UNC13B: variants seen among roughly 807,000 people sequenced by gnomAD.
The protein encoded by UNC13B is unc-13 homolog B, also known as protein unc-13 homolog B.
UNC13B carries 144 observed loss-of-function variants against 211.0 expected under a neutral mutation model. The observed-to-expected ratio is 0.68, with a 90% confidence interval of 0.60 to 0.78. The LOEUF (loss-of-function observed/expected upper bound fraction) is 0.78. UNC13B is among the 30% of genes least tolerant of loss of function. UNC13B has a pLI of 0.00. For synonymous variants in UNC13B, 709 were observed against 725.8 expected (o/e 0.98, Z 0.37); for missense variants, 1,777 against 2,002.0 (o/e 0.89, Z 2.14).
intron 11 of UNC13B, among the ~76,000 whole-genome samples, chr9:35,322,154 C>A (rs1308585180): frequency 6.6e-6 from 1 of 152,192 alleles, no homozygotes; most frequent in Non-Finnish European, 1.5e-5. Context: ...ATCTCTGTGT[C>A]TTCTGGGCTG....
rs1484139490 is a variant in UNC13B at position 35,398,245 on chromosome 9, G to T, written c.11789G>T (p.Arg3930Met). 6.2e-7 allele frequency: 1 copy of T among 1,613,882 alleles called. No homozygotes were observed. Among genetic ancestry groups the T allele is most frequent in the Non-Finnish European group, 8.5e-7 (1 of 1,179,960 alleles). The change falls in exon 31 of 40, where the codon AGG becomes ATG. Residue 3930 changes from arginine (R) to methionine (M), a missense_variant. Physicochemically the swap from Arg to Met is moderately conservative, Grantham distance 91. Transcript: ENST00000635942. Reference sequence around the variant, plus strand: ...CTGATGAACAACGTGCAGCAACTGAGGGTCCAGCTGGAGAAAATGTTTGAG... The same window carrying T: ...CTGATGAACAACGTGCAGCAACTGATGGTCCAGCTGGAGAAAATGTTTGAG... The part of the protein sequence containing the change: ...CILMNNVQQL[R>M]VQLEKMFEAM...
chr9:35,229,040 G>A (rs1052162493), intron 2 of UNC13B, among the ~76,000 whole-genome samples: 11 of 151,750 alleles, frequency 7.2e-5, no homozygotes, highest in Admixed American at 5.9e-4. Context: ...TATATATACC[G>A]AGACCAAAAG....
chr9:35,236,698 T>G, intron 4 of UNC13B, 112 bp downstream of exon 4: 1 of 995,734 alleles, frequency 1.0e-6, no homozygotes, highest in Non-Finnish European at 1.5e-6. Flanking sequence ...TTCTTCCCCC[T>G]TTCTAATTAG....
intron 9 of UNC13B, among the ~76,000 whole-genome samples, chr9:35,309,668 G>A (rs953715509): frequency 2.3e-4 from 35 of 152,290 alleles, no homozygotes; most frequent in African/African-American, 8.2e-4. Context: ...AGAAAAGATT[G>A]GCTTGCTGGT....
At chr9:35,265,486 C>CTATG (rs1827515378) in intron 7 of UNC13B, among the ~76,000 whole-genome samples, 1 of 152,150 alleles carries the variant, frequency 6.6e-6, no homozygotes, top group Non-Finnish European at 1.5e-5. Flanking sequence ...GCTCCCCAGC[C>CTATG]TATGGTATTT....
Position 35,162,184 on chromosome 9 carries a change from G to A in UNC13B, c.-100G>A. 1.3e-6 allele frequency: 2 copies of A among 1,517,632 alleles called. No homozygotes were observed. Among genetic ancestry groups the A allele is most frequent in the Middle Eastern group, 1.9e-4 (1 of 5,374 alleles). The allele number at this position is 1,517,632 out of a possible 1,614,324, so 94.0% of individuals were successfully genotyped here. A position where few individuals can be genotyped will look rare whatever the true frequency, so the allele number is the denominator to read the frequency against. ...GGGACCATGAGGAGCTGCCAGACCC[G>A]TGGGGCCGGTAACGAGAGCAGTCGC... On this transcript the variant is annotated 5_prime_UTR_variant, in exon 1 of 40. It adds an upstream start codon to the 5' untranslated region. Transcript: ENST00000635942.
At chr9:35,254,727 C>T (rs1826717240) in intron 6 of UNC13B, among the ~76,000 whole-genome samples, 1 of 150,578 alleles carries the variant, frequency 6.6e-6, no homozygotes, top group Non-Finnish European at 1.5e-5. Flanking sequence ...AAGTATTGAT[C>T]TTACTCATCA....
chr9:35,388,419 CAAAAT>C (rs1465027806), intron 24 of UNC13B, among the ~76,000 whole-genome samples: 2 of 152,100 alleles, frequency 1.3e-5, no homozygotes, highest in African/African-American at 2.4e-5. Context: ...AAAAAAAAGA[CAAAAT>C]AAAAATAAGA....
intron 7 of UNC13B, among the ~76,000 whole-genome samples, chr9:35,275,966 G>A (rs944088792): frequency 2.6e-5 from 4 of 152,054 alleles, no homozygotes; most frequent in Non-Finnish European, 4.4e-5. Context: ...AATACTTCTT[G>A]ATCAGTGTCT....
chr9:35,378,581 C>T lies in UNC13B; in HGVS notation c.10205+145C>T, dbSNP rs894645491. ...CTCGCATGCTTCGTTCAGACATCAG[C>T]CATTCTTTCTCTGGTTTTCTTCTCA... On this transcript the variant is annotated intron_variant, in intron 17 of 39. Transcript: ENST00000635942. 5 of 1,105,426 alleles carry T rather than the reference C, an allele frequency of 4.5e-6. No individual in the cohort carries two copies. The East Asian group carries it at 9.6e-5, about 21-fold the overall frequency. 68.5% of individuals were successfully genotyped at this position (1,105,426 alleles called of 1,614,324 possible).
In UNC13B at chr9:35,400,281, TC is replaced by T; in HGVS notation, c.12337-14del. The T allele has an allele frequency of 6.2e-7, 1 of 1,613,092 alleles. No homozygotes were observed. On this transcript the variant is annotated splice_polypyrimidine_tract_variant and intron_variant, in intron 36 of 39. Coordinates refer to ENST00000635942, the MANE Select transcript of UNC13B (RefSeq NM_001371189.2). Reference sequence around the variant, plus strand: ...AAGGGGATGAAGCAGTCACGGGTGCTCTTTTATCTTGCAGCAATACTTCCAT... The same window carrying T: ...AAGGGGATGAAGCAGTCACGGGTGCTTTTTATCTTGCAGCAATACTTCCAT...
Position 35,398,203 on chromosome 9 carries a change from C to T in UNC13B, c.11755-8C>T. On this transcript the variant is annotated splice_region_variant and splice_polypyrimidine_tract_variant and intron_variant, in intron 30 of 39. Transcript: ENST00000635942. The stretch of plus-strand genomic sequence containing the variant: ...GCCAAGACTCAACAGCTACATCTGT[C>T]CCCAAAGCCCTGCATCCTGATGAAC... The T allele has an allele frequency of 6.2e-7, 1 of 1,612,478 alleles. No homozygotes were observed. The highest frequency in any genetic ancestry group is 1.3e-5 in the African/African-American group (1 of 74,986).
At chr9:35,194,983 A>C (rs1488712652) in intron 1 of UNC13B, among the ~76,000 whole-genome samples, 1 of 152,194 alleles carries the variant, frequency 6.6e-6, no homozygotes, top group African/African-American at 2.4e-5. Context: ...TTATAGTCTT[A>C]AGGAGGCAGT....
intron 11 of UNC13B, among the ~76,000 whole-genome samples, chr9:35,314,689 C>G (rs552576072): frequency 4.6e-5 from 7 of 151,968 alleles, no homozygotes; most frequent in African/African-American, 1.7e-4. Flanking sequence ...TCTTTCCTTA[C>G]CCGCTTCCAC....
Position 35,162,163 on chromosome 9 carries a change from C to A in UNC13B, c.-121C>A. The A allele has an allele frequency of 2.8e-6, 4 of 1,440,294 alleles. No homozygotes were observed. Among genetic ancestry groups the A allele is most frequent in the South Asian group, 2.5e-5 (2 of 81,512 alleles). 89.2% of individuals were successfully genotyped at this position (1,440,294 alleles called of 1,614,324 possible). On this transcript the variant is annotated 5_prime_UTR_variant, in exon 1 of 40. Coordinates refer to ENST00000635942, the MANE Select transcript of UNC13B (RefSeq NM_001371189.2). ...GGCGGGACGCTACCTGCGACCGGGA[C>A]CATGAGGAGCTGCCAGACCCGTGGG...
intron 1 of UNC13B, among the ~76,000 whole-genome samples, chr9:35,223,906 T>C (rs937393999): frequency 6.6e-6 from 1 of 152,188 alleles, no homozygotes; most frequent in Non-Finnish European, 1.5e-5. Context: ...ATTGAAGATA[T>C]TATACTTTCC....
rs772807057 is a variant in UNC13B, at chr9:35,376,080, G to T, written c.9668G>T (p.Cys3223Phe). Residue 3223 changes from cysteine to phenylalanine, a missense_variant, in exon 15 of 40, where the codon TGC (cysteine) becomes TTC (phenylalanine). By Grantham distance (205) the Cys-to-Phe change is radical. Coordinates refer to ENST00000635942, the MANE Select transcript of UNC13B (RefSeq NM_001371189.2). ...CAGGCCTTAATCTACCCCATTTCGT[G>T]CACCACTCCTCATAACTTTGAGGTC... ...TLQALIYPIS[C>F]TTPHNFEVWT... The T allele has an allele frequency of 6.2e-7, 1 of 1,614,238 alleles. No homozygotes were observed. The highest frequency in any genetic ancestry group is 1.1e-5 in the South Asian group (1 of 91,082).
chr9:35,323,738 C>A (rs1211273915), intron 11 of UNC13B, among the ~76,000 whole-genome samples: 3 of 152,112 alleles, frequency 2.0e-5, no homozygotes, highest in Non-Finnish European at 4.4e-5. Flanking sequence ...TTTATATGCC[C>A]CATGCATTAC....
chr9:35,212,566 C>T (rs1158001222), intron 1 of UNC13B, among the ~76,000 whole-genome samples: 1 of 152,016 alleles, frequency 6.6e-6, no homozygotes, highest in Non-Finnish European at 1.5e-5. Flanking sequence ...GAGTGAGACT[C>T]TGTCTCAAAA....
Sources: allele counts gnomAD v4.1 joint callset (sites outside exome capture counted in the v4.1 genomes callset), GRCh38; gene constraint gnomAD v4.1.1; transcripts MANE v1.5; gene names NCBI Gene and HGNC (gene_info 2026-07-23, HGNC 2026-07-21).